The following QSOX2 variants were observed in gnomAD, a reference collection of about 807,000 sequenced individuals.
The protein encoded by QSOX2 is sulfhydryl oxidase 2.
Under a neutral mutation model 61.7 loss-of-function variants are expected in QSOX2, and 46 were observed. That is an observed-to-expected ratio of 0.75 (90% CI 0.59 to 0.95). The LOEUF is 0.95. Ranked by LOEUF, QSOX2 falls within the 40% of genes least tolerant of loss-of-function variation. The pLI, the probability that QSOX2 is intolerant of heterozygous loss-of-function variation, is 0.00. For synonymous variants in QSOX2, 383 were observed against 388.4 expected, an observed-to-expected ratio of 0.99 and a Z score of 0.16; for missense variants, 879 against 918.9, an observed-to-expected ratio of 0.96 and a Z score of 0.56.
rs1363179398 is a variant in QSOX2 at position 136,223,416 on chromosome 9, A to T, written c.675+347T>A. Reference sequence around the variant, plus strand: ...AGAGTTCAGAATACGGCAACGAAAAAAATCTTAGTAATAATGCATACAAAA... The same window carrying T: ...AGAGTTCAGAATACGGCAACGAAAATAATCTTAGTAATAATGCATACAAAA... On this transcript the variant is annotated intron_variant, in intron 5 of 11. Transcript: ENST00000358701. The surrounding 1 kb of genome is among the most constrained non-coding windows in gnomAD (Gnocchi z 4.4). Among the ~76,000 whole-genome samples the T allele has an allele frequency of 1.3e-5, 2 of 152,150 alleles. No individual in the cohort carries two copies. The highest frequency in any genetic ancestry group is 2.9e-5 in the Non-Finnish European group (2 of 68,034).
intron 1 of QSOX2, among the ~76,000 whole-genome samples, chr9:136,242,986 C>T (rs1002393255): frequency 2.6e-5 from 4 of 152,210 alleles, no homozygotes; most frequent in South Asian, 2.1e-4. Context: ...CAGGCCCTGA[C>T]GGCAAGGGAG....
chr9:136,220,150 G>C (rs1194281368), intron 6 of QSOX2, among the ~76,000 whole-genome samples: 1 of 152,140 alleles, frequency 6.6e-6, no homozygotes, highest in African/African-American at 2.4e-5. Flanking sequence ...TCCCACCTCA[G>C]CCCCTTGAGT....
In QSOX2 at chr9:136,209,243, G is replaced by A; in HGVS notation, c.1582C>T (p.Leu528Phe). Reference protein sequence around the residue: ...HLSEDPRFPKLQWPTPDLCPA... With the variant: ...HLSEDPRFPKFQWPTPDLCPA... The stretch of plus-strand genomic sequence containing the variant: ...CAGAGGTCCGGAGTGGGCCACTGAA[G>A]CTTTGGAAACCGGGGATCCTCACTC... The change falls in exon 12 of 12, where the codon CTT (leucine) becomes TTT (phenylalanine). Residue 528 changes from leucine (L) to phenylalanine (F), a missense_variant. By Grantham distance (22) the Leu-to-Phe change is conservative. Coordinates refer to ENST00000358701, the MANE Select transcript of QSOX2 (RefSeq NM_181701.4). The surrounding 1 kb of genome is among the most constrained non-coding windows in gnomAD (Gnocchi z 5.6). The A allele has an allele frequency of 6.2e-7, 1 of 1,613,460 alleles. No individual in the cohort carries two copies. The highest frequency in any genetic ancestry group is 8.5e-7 in the Non-Finnish European group (1 of 1,179,612).
At chr9:136,213,570 C>G (rs1831874424) in intron 10 of QSOX2, among the ~76,000 whole-genome samples, 1 of 151,662 alleles carries the variant, frequency 6.6e-6, no homozygotes, top group African/African-American at 2.4e-5. Context: ...CCCTCTCCCC[C>G]AACCAGACCC....
At position 136,214,494 on chromosome 9, in the gene QSOX2, T is replaced by C. The variant is rs182132383; in HGVS notation, c.1360+660A>G. Among the ~76,000 whole-genome samples the C allele has an allele frequency of 1.1e-3, 161 of 152,262 alleles. 1 individual carries two copies. The highest frequency in any genetic ancestry group is 1.7e-3 in the Admixed American group (26 of 15,304). ...TGCTGCCATGATGTGAGCCGCCCGA[T>C]GGAGAGGCCCTGAGCGTGGCCTGCA... On this transcript the variant is annotated intron_variant, in intron 10 of 11. Transcript: ENST00000358701.
At chr9:136,235,246 A>C (rs1830370653) in intron 1 of QSOX2, among the ~76,000 whole-genome samples, 1 of 152,224 alleles carries the variant, frequency 6.6e-6, no homozygotes, top group African/African-American at 2.4e-5. Context: ...CTGGCACAGC[A>C]CACCCCCCGG....
intron 1 of QSOX2, among the ~76,000 whole-genome samples, chr9:136,236,025 C>T (rs765663845): frequency 8.5e-5 from 13 of 152,174 alleles, no homozygotes; most frequent in South Asian, 8.3e-4. Context: ...CCTCTGGGTC[C>T]GAAGTCACTG....
Position 136,212,071 on chromosome 9 carries a change from G to C in QSOX2, c.1361-619C>G, listed in dbSNP as rs577409463. On this transcript the variant is annotated intron_variant, in intron 10 of 11. Coordinates refer to ENST00000358701, the MANE Select transcript of QSOX2 (RefSeq NM_181701.4). ...ACAGGGACGGGTGCACCCACAGCCA[G>C]AGTTTGTGCCACCGAACGTATTAAC... Among the ~76,000 whole-genome samples the C allele has an allele frequency of 2.6e-5, 4 of 152,376 alleles. No individual in the cohort carries two copies. The East Asian group carries it at 7.7e-4, about 29-fold the overall frequency.
At chr9:136,238,245 G>A (rs890049257) in intron 1 of QSOX2, among the ~76,000 whole-genome samples, 9 of 152,210 alleles carry the variant, frequency 5.9e-5, no homozygotes, top group South Asian at 4.1e-4. Context: ...CTAGTCAGAC[G>A]GGGAAACTGA....
chr9:136,212,207 G>A (rs1831854939), intron 10 of QSOX2, among the ~76,000 whole-genome samples: 1 of 152,250 alleles, frequency 6.6e-6, no homozygotes, highest in Non-Finnish European at 1.5e-5. Flanking sequence ...CCGCAACCAA[G>A]GGGAACCCCT....
chr9:136,228,718 T>C (rs1177995876), intron 1 of QSOX2, among the ~76,000 whole-genome samples: 2 of 152,210 alleles, frequency 1.3e-5, no homozygotes, highest in Non-Finnish European at 2.9e-5. Context: ...GCCAGCCACG[T>C]GGGGTGCTGC....
chr9:136,212,606 C>T (rs1277582939), intron 10 of QSOX2, among the ~76,000 whole-genome samples: 1 of 152,250 alleles, frequency 6.6e-6, no homozygotes, highest in African/African-American at 2.4e-5. Flanking sequence ...TCAGATGGGA[C>T]CGCAGGCGCT....
At chr9:136,214,685 G>T (rs1211354327) in intron 10 of QSOX2, among the ~76,000 whole-genome samples, 1 of 152,180 alleles carries the variant, frequency 6.6e-6, no homozygotes, top group Non-Finnish European at 1.5e-5. Context: ...CAATCCTGAA[G>T]AAGAGGACCC....
chr9:136,217,334 T>C (rs1408491958), intron 8 of QSOX2, among the ~76,000 whole-genome samples: 5 of 152,078 alleles, frequency 3.3e-5, no homozygotes, highest in Admixed American at 6.5e-5. Context: ...GTGCAAAACA[T>C]AGGCTGCCGA....
intron 9 of QSOX2, among the ~76,000 whole-genome samples, chr9:136,216,105 C>A (rs1161110730): frequency 6.6e-6 from 1 of 152,198 alleles, no homozygotes; most frequent in Non-Finnish European, 1.5e-5. Context: ...GGGTTTACTG[C>A]CCGCGAGTAA....
chr9:136,241,029 C>A (rs1358675469), intron 1 of QSOX2, among the ~76,000 whole-genome samples: 1 of 152,150 alleles, frequency 6.6e-6, no homozygotes, highest in African/African-American at 2.4e-5. Flanking sequence ...TCTTAGCAAA[C>A]CATCCCGTCT....
At chr9:136,235,378 A>C (rs533678183) in intron 1 of QSOX2, among the ~76,000 whole-genome samples, 2 of 152,252 alleles carry the variant, frequency 1.3e-5, no homozygotes. Flanking sequence ...CCTTACGGGG[A>C]GTGACGACCA....
In QSOX2 at chr9:136,209,891, G is replaced by C. The variant is rs1831824765; in HGVS notation, c.1550-616C>G. On this transcript the variant is annotated intron_variant, in intron 11 of 11. Coordinates refer to ENST00000358701, the MANE Select transcript of QSOX2 (RefSeq NM_181701.4). The surrounding 1 kb of genome is among the most constrained non-coding windows in gnomAD (Gnocchi z 5.6). ...CTGAAGTGACATGTGCTCACTTCCAGGCCCAACAGGCATCCGTCATGCAGA... is the reference window on the plus strand; with the variant it reads ...CTGAAGTGACATGTGCTCACTTCCACGCCCAACAGGCATCCGTCATGCAGA... 6.1e-6 allele frequency: 6 copies of C among 985,292 alleles called. No homozygotes were observed. The highest frequency in any genetic ancestry group is 7.2e-6 in the Non-Finnish European group (6 of 829,936). 61.0% of individuals were successfully genotyped at this position (985,292 alleles called of 1,614,324 possible).
In QSOX2 at chr9:136,213,255, T is replaced by G. The variant is rs541057429; in HGVS notation, c.1361-1803A>C. 8.0e-3 allele frequency among the ~76,000 whole-genome samples: 1,186 copies of G among 148,566 alleles called. 19 individuals carry two copies. The highest frequency in any genetic ancestry group is 0.028 in the African/African-American group (1,120 of 40,472). Reference sequence around the variant, plus strand: ...GCAGTTTTGTTGTGTTTTTTTTTTTTTTTTTTTTTTGAGACAGTCTTGCTG... The same window carrying G: ...GCAGTTTTGTTGTGTTTTTTTTTTTGTTTTTTTTTTGAGACAGTCTTGCTG... On this transcript the variant is annotated intron_variant, in intron 10 of 11. Transcript: ENST00000358701.
Sources: allele counts gnomAD v4.1 joint callset (sites outside exome capture counted in the v4.1 genomes callset), GRCh38; gene constraint gnomAD v4.1.1; non-coding constraint Gnocchi (gnomAD v3.1); transcripts MANE v1.5; gene names NCBI Gene and HGNC (gene_info 2026-07-23, HGNC 2026-07-21).